PRMT2: variants seen among roughly 807,000 people sequenced by gnomAD.
The protein encoded by PRMT2 is protein arginine methyltransferase 2.
Under a neutral mutation model 57.6 loss-of-function variants are expected in PRMT2, and 26 were observed. The ratio of observed to expected loss-of-function variants is 0.45; its 90% CI spans 0.33 to 0.63. The LOEUF is 0.63. Among genes scored for constraint, PRMT2 ranks in the 20% least tolerant of loss-of-function variants. The probability of loss-of-function intolerance (pLI) is 0.02; values close to 1 mark genes in which losing one functional copy is unlikely to be tolerated. For missense variants in PRMT2, 472 were observed against 564.4 expected (o/e 0.84, Z 1.66); for synonymous variants, 219 against 220.0 (o/e 1.00, Z 0.04).
chr21:46,653,541 C>T, intron 7 of PRMT2: 1 of 1,031,122 alleles, frequency 9.7e-7, no homozygotes, highest in Non-Finnish European at 1.2e-6. Context: ...GGGCACCCTG[C>T]AGAGGCCACA....
At chr21:46,662,151 A>T (rs1297724211) in intron 10 of PRMT2, among the ~76,000 whole-genome samples, 1 of 151,868 alleles carries the variant, frequency 6.6e-6, no homozygotes, top group Non-Finnish European at 1.5e-5. Context: ...GGGTCTCGCC[A>T]CCACTCTGGG....
rs575824689 is a variant in PRMT2 at position 46,648,799 on chromosome 21, C to T, written c.489+180C>T. On this transcript the variant is annotated intron_variant, in intron 6 of 11. Coordinates refer to ENST00000355680, the MANE Select transcript of PRMT2 (RefSeq NM_206962.4). This position sits in a 1 kb window ranked among gnomAD's most constrained non-coding sequence, Gnocchi z 4.8. ...CGGTAAAATAGCAGTGCGTGGAGAC[C>T]GCGTGCTAGAGGCCGTGGCGCCCGC... Among the ~76,000 whole-genome samples, 3 of 152,260 alleles carry T rather than the reference C, an allele frequency of 2.0e-5. No homozygotes were observed. Among genetic ancestry groups the T allele is most frequent in the East Asian group, 1.9e-4 (1 of 5,178 alleles).
At chr21:46,656,673 A>T (rs1308266845) in intron 7 of PRMT2, 1 of 152,142 alleles carries the variant, frequency 6.6e-6, no homozygotes, top group African/African-American at 2.4e-5. Context: ...TACACAGCTG[A>T]ACTTAAAATT....
Position 46,644,440 on chromosome 21 carries a change from C to T in PRMT2, c.279C>T (p.Pro93=), listed in dbSNP as rs371904376. 6.2e-6 allele frequency: 10 copies of T among 1,602,776 alleles called. No individual in the cohort carries two copies. Among genetic ancestry groups the T allele is most frequent in the South Asian group, 1.1e-5 (1 of 89,262 alleles). Reference sequence around the variant, plus strand: ...GGAAGCACGTGGATGAGTACGACCCCGAGGACACGTGGCAGGATGAAGAGT... The same window carrying T: ...GGAAGCACGTGGATGAGTACGACCCTGAGGACACGTGGCAGGATGAAGAGT... ...HVGKHVDEYD[P]EDTWQDEEYF... is the part of the protein sequence containing the mutation. Residue 93 remains proline, a synonymous_variant, in exon 5 of 12, where the codon CCC becomes CCT. Coordinates refer to ENST00000355680, the MANE Select transcript of PRMT2 (RefSeq NM_206962.4).
intron 10 of PRMT2, 66 bp downstream of exon 10, chr21:46,662,002 A>ATGGGGCACTCAGGAGGGGG (rs71187326): frequency 1.0e-5 from 1 of 97,518 alleles, no homozygotes; most frequent in Non-Finnish European, 2.0e-5. Flanking sequence ...GGGTGCGGGG[A>ATGGGGCACTCAGGAGGGGG]TGGGGCGCGC....
chr21:46,637,003 C>G lies in PRMT2; in HGVS notation c.39+13C>G, dbSNP rs1416754014. On this transcript the variant is annotated intron_variant, in intron 3 of 11. Coordinates refer to ENST00000355680, the MANE Select transcript of PRMT2 (RefSeq NM_206962.4). ...AAGTGAATCGCAGGTAATTTCCGTTCCACTTCCTAAAAATCTGTGTTTAAT... is the reference window on the plus strand; with the variant it reads ...AAGTGAATCGCAGGTAATTTCCGTTGCACTTCCTAAAAATCTGTGTTTAAT... The G allele has an allele frequency of 1.2e-6, 2 of 1,613,244 alleles. No homozygotes were observed. Among genetic ancestry groups the G allele is most frequent in the Admixed American group, 3.3e-5 (2 of 59,906 alleles).
At chr21:46,659,511 C>T in intron 8 of PRMT2, 1 of 973,524 alleles carries the variant, frequency 1.0e-6, no homozygotes, top group Non-Finnish European at 1.2e-6. Context: ...ATCATGTGAA[C>T]AGGCAAACCG....
chr21:46,653,832 A>G lies in PRMT2; in HGVS notation c.654+4093A>G, dbSNP rs1188710485. On this transcript the variant is annotated intron_variant, in intron 7 of 11. Transcript: ENST00000355680. ...CCACCACATGCTTGAAGGACCGCTT[A>G]TGGCTACACTTAGACATCTCCAACC... The G allele has an allele frequency of 4.8e-6, 5 of 1,041,926 alleles. No individual in the cohort carries two copies. In the African/African-American group the frequency reaches 5.2e-5, roughly 11 times the overall value. 64.5% of individuals were successfully genotyped at this position (1,041,926 alleles called of 1,614,324 possible). A position where few individuals can be genotyped will look rare whatever the true frequency, so the allele number is the denominator to read the frequency against.
intron 1 of PRMT2, 183 bp downstream of exon 1, chr21:46,635,946 C>T (rs372075355): frequency 1.0e-4 from 16 of 152,484 alleles, no homozygotes; most frequent in Admixed American, 5.2e-4. Flanking sequence ...AGCTCGGTCC[C>T]CGTCACACCC....
In PRMT2 at chr21:46,636,973, C is replaced by A. The variant is rs1776283528; in HGVS notation, c.22C>A (p.Pro8Thr). ...AACTATGGCAACATCAGGTGACTGT[C>A]CCAGAAGTGAATCGCAGGTAATTTC... MATSGDC[P>T]RSESQGEEPA... Residue 8 changes from proline (P) to threonine (T), a missense_variant, in exon 3 of 12, where the codon CCC becomes ACC. This residue lies in a region of PRMT2 where 243 missense variants were observed against 347.2 expected (regional missense o/e 0.70). Transcript: ENST00000355680. 6.2e-7 allele frequency: 1 copy of A among 1,613,700 alleles called. No homozygotes were observed. Among genetic ancestry groups the A allele is most frequent in the Non-Finnish European group, 8.5e-7 (1 of 1,179,892 alleles).
chr21:46,657,734 G>C (rs1288686695), intron 7 of PRMT2: 1 of 152,190 alleles, frequency 6.6e-6, no homozygotes, highest in Non-Finnish European at 1.5e-5. Flanking sequence ...GGCTGTGGTT[G>C]TGAGGACAAA....
In PRMT2 at chr21:46,660,942, G is replaced by A. The variant is rs1235199834; in HGVS notation, c.940G>A (p.Val314Met). 2 of 1,612,822 alleles carry A rather than the reference G, an allele frequency of 1.2e-6. No homozygotes were observed. The highest frequency in any genetic ancestry group is 1.7e-5 in the Admixed American group (1 of 59,892). Reference sequence around the variant, plus strand: ...TATATTGCAGTTGGACATGAGAACCGTGCAAATTTCTGATCTAGAGGTGAG... The same window carrying A: ...TATATTGCAGTTGGACATGAGAACCATGCAAATTTCTGATCTAGAGGTGAG... ...CTILQLDMRT[V>M]QISDLETLRG... The change falls in exon 9 of 12, where the codon GTG becomes ATG. Residue 314 changes from valine (V) to methionine (M), a missense_variant. Physicochemically the swap from Val to Met is conservative, Grantham distance 21. Transcript: ENST00000355680.
chr21:46,653,231 C>G, intron 7 of PRMT2: 1 of 985,280 alleles, frequency 1.0e-6, no homozygotes, highest in Non-Finnish European at 1.2e-6. Context: ...CTTCACACAG[C>G]CTTGTACTGT....
Position 46,664,598 on chromosome 21 carries a change from AGT to A in PRMT2, c.*273_*274del. The stretch of plus-strand genomic sequence containing the variant: ...CCAGGTGTTCACCCGTGGTGCCCAC[AGT>A]GCCGACCCGTGGCTGGGTCGGAGCT... On this transcript the variant is annotated 3_prime_UTR_variant, in exon 12 of 12. Coordinates refer to ENST00000355680, the MANE Select transcript of PRMT2 (RefSeq NM_206962.4). The A allele has an allele frequency of 1.8e-6, 1 of 555,380 alleles. No individual in the cohort carries two copies. The highest frequency in any genetic ancestry group is 3.2e-6 in the Non-Finnish European group (1 of 309,478). 34.4% of individuals were successfully genotyped at this position (555,380 alleles called of 1,614,324 possible). A position where few individuals can be genotyped will look rare whatever the true frequency, so the allele number is the denominator to read the frequency against.
intron 3 of PRMT2, among the ~76,000 whole-genome samples, chr21:46,639,898 G>C (rs764931272): frequency 1.3e-5 from 2 of 152,090 alleles, no homozygotes; most frequent in African/African-American, 4.8e-5. Context: ...ATGTGATGAA[G>C]TGTAACATTT....
chr21:46,640,619 T>C (rs953089642), intron 3 of PRMT2, among the ~76,000 whole-genome samples: 26 of 152,008 alleles, frequency 1.7e-4, no homozygotes, highest in African/African-American at 6.3e-4. Context: ...TTTTTTGTAT[T>C]TTTAGTAGAG....
chr21:46,659,098 C>A, intron 8 of PRMT2, 178 bp downstream of exon 8: 2 of 1,387,546 alleles, frequency 1.4e-6, no homozygotes, highest in South Asian at 1.7e-5. Context: ...GGTGCTATAA[C>A]AAGACAGATG....
chr21:46,663,346 G>A (rs200702815), intron 10 of PRMT2, 37 bp from the exon 11 acceptor site: 24 of 1,583,126 alleles, frequency 1.5e-5, no homozygotes, highest in Non-Finnish European at 2.0e-5. Flanking sequence ...GACTGCCCTA[G>A]CTCAGCCTCC....
chr21:46,663,340 G>C (rs1350221524), intron 10 of PRMT2, 43 bp from the exon 11 acceptor site: 21 of 1,576,114 alleles, frequency 1.3e-5, no homozygotes, highest in Non-Finnish European at 1.8e-5. Context: ...TGTGGAGACT[G>C]CCCTAGCTCA....
Sources: allele counts gnomAD v4.1 joint callset (sites outside exome capture counted in the v4.1 genomes callset), GRCh38; gene constraint gnomAD v4.1.1; regional missense constraint gnomAD v4.1.1; non-coding constraint Gnocchi (gnomAD v3.1); transcripts MANE v1.5; gene names NCBI Gene and HGNC (gene_info 2026-07-23, HGNC 2026-07-21).